The following IFNGR2 variants were observed in gnomAD, a reference collection of about 807,000 sequenced individuals.
IFNGR2 encodes IFN-gamma receptor 2.
A neutral mutation model predicts 41.1 loss-of-function variants in IFNGR2; 15 were observed. That is an observed-to-expected ratio of 0.37 (90% CI 0.24 to 0.56). The LOEUF (loss-of-function observed/expected upper bound fraction) is 0.56. Ranked by LOEUF, IFNGR2 falls within the 20% of genes least tolerant of loss-of-function variation. IFNGR2 has a pLI of 0.81. For synonymous variants in IFNGR2, 161 were observed against 171.6 expected (o/e 0.94, Z 0.48); for missense variants, 362 against 415.7 (o/e 0.87, Z 1.12).
chr21:33,408,362 A>T (rs1032911280), intron 1 of IFNGR2, among the ~76,000 whole-genome samples: 1 of 151,876 alleles, frequency 6.6e-6, no homozygotes, highest in Admixed American at 6.6e-5. Context: ...CACCTGGCTA[A>T]TTTTTGTATT....
intron 1 of IFNGR2, among the ~76,000 whole-genome samples, chr21:33,409,841 G>A (rs932451436): frequency 3.6e-4 from 55 of 152,040 alleles, no homozygotes; most frequent in Admixed American, 3.5e-3. Context: ...GTGAGGTTTT[G>A]AAAATGAAAT....
chr21:33,411,560 G>GACTC (rs750399257), intron 1 of IFNGR2: 1 of 470,488 alleles, frequency 2.1e-6, no homozygotes, highest in South Asian at 1.6e-5. Flanking sequence ...GTACAAAAGG[G>GACTC]ACTCCGCAGA....
At position 33,434,939 on chromosome 21, in the gene IFNGR2, T is replaced by C. The variant is rs539483863; in HGVS notation, c.880-1889T>C. ...GAAAACACAGGCCTGTCAGTTCACT[T>C]TTCTAGGAAAGCATAAAGAACATCC... is the stretch of plus-strand genomic sequence containing the variant. On this transcript the variant is annotated intron_variant, in intron 6 of 6. Coordinates refer to ENST00000290219, the MANE Select transcript of IFNGR2 (RefSeq NM_005534.4). Among the ~76,000 whole-genome samples the C allele has an allele frequency of 1.3e-5, 2 of 152,312 alleles. 1 individual carries two copies. Among genetic ancestry groups the C allele is most frequent in the Admixed American group, 1.3e-4 (2 of 15,288 alleles).
chr21:33,408,277 A>G (rs775410898), intron 1 of IFNGR2, among the ~76,000 whole-genome samples: 1 of 151,562 alleles, frequency 6.6e-6, no homozygotes, highest in Non-Finnish European at 1.5e-5. Context: ...ACTCACTGCA[A>G]CCTCCACCTC....
At chr21:33,421,740 G>A in intron 3 of IFNGR2, 55 bp downstream of exon 3, 1 of 1,378,510 alleles carries the variant, frequency 7.3e-7, no homozygotes, top group Admixed American at 1.7e-5. Flanking sequence ...TTCTTCACTT[G>A]CGGTATCGAC....
At chr21:33,421,174 A>G (rs1327059155) in intron 2 of IFNGR2, among the ~76,000 whole-genome samples, 1 of 152,124 alleles carries the variant, frequency 6.6e-6, no homozygotes, top group Non-Finnish European at 1.5e-5. Context: ...TCTACTAAAA[A>G]TACAAAAATT....
rs1190925518 is a variant in IFNGR2, at chr21:33,403,514, G to A, written c.-30G>A. 1.4e-5 allele frequency: 17 copies of A among 1,224,510 alleles called. No individual in the cohort carries two copies. Among genetic ancestry groups the A allele is most frequent in the Non-Finnish European group, 1.6e-5 (16 of 976,102 alleles). The allele number at this position is 1,224,510 out of a possible 1,614,324, so 75.9% of individuals were successfully genotyped here. On this transcript the variant is annotated 5_prime_UTR_variant, in exon 1 of 7. Coordinates refer to ENST00000290219, the MANE Select transcript of IFNGR2 (RefSeq NM_005534.4). ...GGACCCCGAGCGGGGCCCCGGCCGCGACCTGAGCCGCCGCCGAGCGCCCGG... is the reference window on the plus strand; with the variant it reads ...GGACCCCGAGCGGGGCCCCGGCCGCAACCTGAGCCGCCGCCGAGCGCCCGG...
intron 2 of IFNGR2, among the ~76,000 whole-genome samples, chr21:33,421,273 T>C (rs1601079748): frequency 7.4e-6 from 1 of 134,774 alleles, no homozygotes; most frequent in Admixed American, 8.8e-5. Context: ...TGGAGGTTGC[T>C]GTGAGCCAAG....
At chr21:33,411,439 C>T (rs565693517) in intron 1 of IFNGR2, 1 of 470,870 alleles carries the variant, frequency 2.1e-6, no homozygotes, top group African/African-American at 2.0e-5. Flanking sequence ...GTTGGTTCCT[C>T]CCCAGAGATG....
intron 3 of IFNGR2, among the ~76,000 whole-genome samples, chr21:33,425,548 C>T (rs201680901): frequency 5.9e-5 from 9 of 152,206 alleles, no homozygotes; most frequent in Admixed American, 2.6e-4. Context: ...GCTTCTGCAA[C>T]GCACTTCTGC....
intron 1 of IFNGR2, among the ~76,000 whole-genome samples, chr21:33,406,262 G>C (rs1226694145): frequency 6.6e-6 from 1 of 151,932 alleles, no homozygotes; most frequent in African/African-American, 2.4e-5. Flanking sequence ...TGTAATCCCA[G>C]CTACCTGGGA....
intron 4 of IFNGR2, among the ~76,000 whole-genome samples, chr21:33,427,462 C>G (rs1336279864): frequency 6.6e-6 from 1 of 152,138 alleles, no homozygotes; most frequent in African/African-American, 2.4e-5. Flanking sequence ...CGGGGGGAAA[C>G]AGAGGGAGAA....
At position 33,421,653 on chromosome 21, in the gene IFNGR2, T is replaced by C; in HGVS notation, c.380T>C (p.Val127Ala). 6.2e-7 allele frequency: 1 copy of C among 1,614,092 alleles called. No individual in the cohort carries two copies. The highest frequency in any genetic ancestry group is 8.5e-7 in the Non-Finnish European group (1 of 1,179,950). Residue 127 changes from valine (V) to alanine (A), a missense_variant, in exon 3 of 7, where the codon GTG (valine) becomes GCG (alanine). Val to Ala is a moderately conservative substitution (Grantham distance 64, BLOSUM62 0). Transcript: ENST00000290219. ...AELGALHSAW[V>A]TMPWFQHYRN... ...CTGGGAGCACTCCATTCTGCCTGGG[T>C]GACAATGCCTTGGTTTCAACACTAT...
intron 2 of IFNGR2, among the ~76,000 whole-genome samples, chr21:33,416,306 G>A (rs140147862): frequency 4.6e-5 from 7 of 152,182 alleles, no homozygotes; most frequent in African/African-American, 7.2e-5. Flanking sequence ...GCTAACTTAC[G>A]CTTGAACACT....
At chr21:33,415,323 T>C (rs2083746489) in intron 2 of IFNGR2, among the ~76,000 whole-genome samples, 2 of 152,350 alleles carry the variant, frequency 1.3e-5, no homozygotes, top group East Asian at 1.9e-4. Flanking sequence ...GCTTCCACCA[T>C]GGAAGAACAG....
At chr21:33,426,849 A>T (rs1437927947) in intron 3 of IFNGR2, 35 bp from the exon 4 acceptor site, 5 of 1,559,710 alleles carry the variant, frequency 3.2e-6, no homozygotes, top group Non-Finnish European at 4.4e-6. Context: ...ACATATGTGT[A>T]TGTGTGTGGT....
chr21:33,420,978 CAT>C (rs2083787391), intron 2 of IFNGR2, among the ~76,000 whole-genome samples: 1 of 152,174 alleles, frequency 6.6e-6, no homozygotes, highest in Non-Finnish European at 1.5e-5. Flanking sequence ...GGGCGGATCA[CAT>C]GAGGCCAGGA....
chr21:33,434,530 A>AAAAT (rs1011031626), intron 6 of IFNGR2, among the ~76,000 whole-genome samples: 2 of 152,186 alleles, frequency 1.3e-5, no homozygotes, highest in African/African-American at 2.4e-5. Context: ...TCAAAAAAAT[A>AAAAT]AAATAAATAA....
chr21:33,404,615 G>A (rs2083664419), intron 1 of IFNGR2, among the ~76,000 whole-genome samples: 1 of 152,094 alleles, frequency 6.6e-6, no homozygotes, highest in South Asian at 2.1e-4. Context: ...TTTTTGTAGA[G>A]AGGAGGTCTC....
Sources: gnomAD v4.1 joint callset for allele counts (sites outside exome capture counted in the v4.1 genomes callset) on GRCh38, gnomAD v4.1.1 for gene constraint, MANE v1.5 for transcripts, NCBI Gene and HGNC (gene_info 2026-07-23, HGNC 2026-07-21) for gene names.